The following PRKD1 variants were observed in gnomAD, a reference collection of about 807,000 sequenced individuals.
PRKD1 encodes protein kinase D1, also known as serine/threonine-protein kinase D1.
PRKD1 carries 63 observed loss-of-function variants against 95.9 expected under a neutral mutation model. The observed-to-expected ratio is 0.66, with a 90% confidence interval of 0.54 to 0.81. The LOEUF (loss-of-function observed/expected upper bound fraction) is 0.81. Ranked by LOEUF, PRKD1 falls within the 30% of genes least tolerant of loss-of-function variation. PRKD1 has a pLI of 0.00. For missense variants in PRKD1, 1,048 were observed against 1,165.3 expected (o/e 0.90, Z 1.47); for synonymous variants, 425 against 423.1 (o/e 1.00, Z -0.05).
intron 2 of PRKD1, among the ~76,000 whole-genome samples, chr14:29,678,148 T>G (rs1386182862): frequency 1.3e-5 from 2 of 152,292 alleles, no homozygotes; most frequent in Non-Finnish European, 2.9e-5. Flanking sequence ...ATTCCATTTT[T>G]CCAAACATTT....
chr14:29,788,006 T>C (rs1465655206), intron 1 of PRKD1, among the ~76,000 whole-genome samples: 2 of 152,192 alleles, frequency 1.3e-5, no homozygotes, highest in Admixed American at 6.5e-5. Context: ...GTATCTGCAA[T>C]ACCAGTGAGT....
At chr14:29,791,973 C>T (rs1889566506) in intron 1 of PRKD1, among the ~76,000 whole-genome samples, 1 of 152,054 alleles carries the variant, frequency 6.6e-6, no homozygotes, top group South Asian at 2.1e-4. Flanking sequence ...TATGAAACTT[C>T]CAGTTCCTTC....
intron 1 of PRKD1, among the ~76,000 whole-genome samples, chr14:29,845,679 T>C (rs183296276): frequency 6.6e-6 from 1 of 152,308 alleles, no homozygotes; most frequent in Admixed American, 6.5e-5. Flanking sequence ...CATGTAGCAT[T>C]TGTAGTACAA....
chr14:29,583,399 CA>C (rs1397900439), intron 16 of PRKD1, among the ~76,000 whole-genome samples: 1 of 152,096 alleles, frequency 6.6e-6, no homozygotes, highest in African/African-American at 2.4e-5. Context: ...TGAATACCCC[CA>C]CCTCACACCA....
chr14:29,580,721 AAC>A (rs1173387034), intron 16 of PRKD1, among the ~76,000 whole-genome samples: 2 of 152,160 alleles, frequency 1.3e-5, no homozygotes, highest in African/African-American at 4.8e-5. Flanking sequence ...AACATTTTTG[AAC>A]ACAGTTTAGA....
chr14:29,920,004 G>T, intron 1 of PRKD1, among the ~76,000 whole-genome samples: 1 of 138,332 alleles, frequency 7.2e-6, no homozygotes, highest in East Asian at 2.1e-4. Flanking sequence ...AAGGAAGGTA[G>T]GAAGGAAGGA....
At chr14:29,820,747 ATAG>A (rs1158714541) in intron 1 of PRKD1, among the ~76,000 whole-genome samples, 2 of 152,242 alleles carry the variant, frequency 1.3e-5, no homozygotes, top group Admixed American at 6.5e-5. Flanking sequence ...TGTGGAGGGA[ATAG>A]TAGAATATTT....
intron 1 of PRKD1, among the ~76,000 whole-genome samples, chr14:29,795,051 T>G (rs1889752317): frequency 6.6e-6 from 1 of 152,112 alleles, no homozygotes; most frequent in Non-Finnish European, 1.5e-5. Context: ...TTACTTTTCG[T>G]GTTTTCATTT....
intron 2 of PRKD1, among the ~76,000 whole-genome samples, chr14:29,721,770 G>A (rs1264742063): frequency 6.6e-6 from 1 of 152,170 alleles, no homozygotes; most frequent in Non-Finnish European, 1.5e-5. Context: ...GAATTTGCCA[G>A]TAGTGGGGAT....
chr14:29,641,180 G>A (rs1408574919), intron 4 of PRKD1, among the ~76,000 whole-genome samples: 1 of 152,174 alleles, frequency 6.6e-6, no homozygotes, highest in Non-Finnish European at 1.5e-5. Context: ...TACACAGCCA[G>A]CCACATGTGT....
intron 1 of PRKD1, among the ~76,000 whole-genome samples, chr14:29,842,792 T>C (rs1185391571): frequency 1.3e-5 from 2 of 152,114 alleles, no homozygotes; most frequent in Non-Finnish European, 2.9e-5. Context: ...AGCATGAAAA[T>C]AGTCTTTCCT....
At chr14:29,863,664 G>C (rs1341023118) in intron 1 of PRKD1, among the ~76,000 whole-genome samples, 2 of 152,012 alleles carry the variant, frequency 1.3e-5, no homozygotes, top group Non-Finnish European at 2.9e-5. Context: ...AATAAATAAA[G>C]ATATAATGAA....
intron 2 of PRKD1, among the ~76,000 whole-genome samples, chr14:29,690,429 G>A (rs961377406): frequency 2.6e-5 from 4 of 152,076 alleles, no homozygotes; most frequent in Admixed American, 6.6e-5. Context: ...CAAAACATGG[G>A]TGTCATCCTT....
At chr14:29,605,703 T>C (rs1790946575) in intron 13 of PRKD1, among the ~76,000 whole-genome samples, 2 of 152,336 alleles carry the variant, frequency 1.3e-5, no homozygotes, top group African/African-American at 4.8e-5. Context: ...TCAATATAAG[T>C]CTAGTGCCTG....
At chr14:29,890,591 C>G (rs1361757256) in intron 1 of PRKD1, among the ~76,000 whole-genome samples, 2 of 152,270 alleles carry the variant, frequency 1.3e-5, no homozygotes, top group East Asian at 3.9e-4. Context: ...AAAAAATTCA[C>G]AGGACTGAAA....
intron 1 of PRKD1, among the ~76,000 whole-genome samples, chr14:29,779,183 A>T (rs1888917812): frequency 6.6e-6 from 1 of 152,230 alleles, no homozygotes; most frequent in South Asian, 2.1e-4. Context: ...GCAATATCAT[A>T]CTGAATGGGC....
intron 1 of PRKD1, among the ~76,000 whole-genome samples, chr14:29,850,866 G>C (rs946959375): frequency 2.0e-5 from 3 of 150,078 alleles, no homozygotes; most frequent in Non-Finnish European, 3.0e-5. Context: ...AAAAAGCACA[G>C]TACTGGCACA....
At chr14:29,591,827 T>C (rs183707231) in intron 16 of PRKD1, among the ~76,000 whole-genome samples, 1 of 152,246 alleles carries the variant, frequency 6.6e-6, no homozygotes, top group Admixed American at 6.5e-5. Context: ...TTTAGCACTG[T>C]CTGGGATTCA....
intron 1 of PRKD1, among the ~76,000 whole-genome samples, chr14:29,783,485 A>C (rs1378604574): frequency 6.6e-6 from 1 of 152,114 alleles, no homozygotes; most frequent in African/African-American, 2.4e-5. Flanking sequence ...TGATATACTG[A>C]TTTCCTTTCC....
Sources: gnomAD v4.1 joint callset for allele counts (sites outside exome capture counted in the v4.1 genomes callset) on GRCh38, gnomAD v4.1.1 for gene constraint, MANE v1.5 for transcripts, NCBI Gene and HGNC (gene_info 2026-07-23, HGNC 2026-07-21) for gene names.